The following SLIT3 variants were observed in gnomAD, a reference collection of about 807,000 sequenced individuals.
The protein encoded by SLIT3 is slit homolog 3 protein.
A neutral mutation model predicts 184.0 loss-of-function variants in SLIT3; 68 were observed. The ratio of observed to expected loss-of-function variants is 0.37; its 90% CI spans 0.30 to 0.45. The LOEUF is 0.45. SLIT3 is among the 20% of genes least tolerant of loss of function. The pLI is 1.00. For missense variants in SLIT3, 1,707 were observed against 2,026.0 expected, an observed-to-expected ratio of 0.84 and a Z score of 3.02; for synonymous variants, 831 against 828.6, an observed-to-expected ratio of 1.00 and a Z score of -0.05.
At chr5:168,697,856 GT>G (rs972997834) in intron 27 of SLIT3, among the ~76,000 whole-genome samples, 41 of 152,334 alleles carry the variant, frequency 2.7e-4, no homozygotes, top group African/African-American at 9.9e-4. Context: ...AAACCATGGT[GT>G]TGCCCATTTG....
At chr5:169,253,093 A>T (rs1294110592) in intron 1 of SLIT3, among the ~76,000 whole-genome samples, 2 of 152,130 alleles carry the variant, frequency 1.3e-5, no homozygotes, top group Admixed American at 1.3e-4. Flanking sequence ...GAAAAAAAAA[A>T]AAGCATAGCA....
intron 4 of SLIT3, among the ~76,000 whole-genome samples, chr5:169,065,080 C>A (rs1361292314): frequency 2.0e-5 from 3 of 152,162 alleles, no homozygotes; most frequent in African/African-American, 7.2e-5. Flanking sequence ...GAGACAAGTT[C>A]ATATGGTTAA....
At chr5:169,281,273 T>C (rs1347192086) in intron 1 of SLIT3, among the ~76,000 whole-genome samples, 1 of 152,194 alleles carries the variant, frequency 6.6e-6, no homozygotes, top group African/African-American at 2.4e-5. Context: ...GGTCAGGTGA[T>C]CGAGACCATC....
chr5:168,822,042 C>T (rs62378505), intron 7 of SLIT3, among the ~76,000 whole-genome samples: 1 of 152,110 alleles, frequency 6.6e-6, no homozygotes, highest in Non-Finnish European at 1.5e-5. Flanking sequence ...CTGGGTGCCA[C>T]CCCAAGAGAT....
chr5:169,252,730 C>T (rs962730787), intron 1 of SLIT3, among the ~76,000 whole-genome samples: 3 of 152,096 alleles, frequency 2.0e-5, no homozygotes, highest in African/African-American at 7.2e-5. Flanking sequence ...TGATGAATCC[C>T]CATCCAAACA....
Position 169,065,490 on chromosome 5 carries a change from T to G in SLIT3, c.413+127989A>C, listed in dbSNP as rs1334835705. 2.6e-5 allele frequency among the ~76,000 whole-genome samples: 4 copies of G among 152,306 alleles called. No individual in the cohort carries two copies. In the South Asian group the frequency reaches 8.3e-4, roughly 32 times the overall value. On this transcript the variant is annotated intron_variant, in intron 4 of 35. Coordinates refer to ENST00000519560, the MANE Select transcript of SLIT3 (RefSeq NM_003062.4). ...GTAGAGTTGAGCCCACGTCCTGGTGTCCCCAGAAGTTCTATACTTGTCTCT... is the reference window on the plus strand; with the variant it reads ...GTAGAGTTGAGCCCACGTCCTGGTGGCCCCAGAAGTTCTATACTTGTCTCT...
intron 4 of SLIT3, among the ~76,000 whole-genome samples, chr5:169,033,857 G>A (rs1375850018): frequency 1.4e-5 from 2 of 141,398 alleles, no homozygotes; most frequent in Non-Finnish European, 3.0e-5. Context: ...TCTGTCACCA[G>A]GCTGGAGTGC....
At position 169,077,673 on chromosome 5, in the gene SLIT3, AAC is replaced by A. The variant is rs570762390; in HGVS notation, c.413+115804_413+115805del. Among the ~76,000 whole-genome samples the A allele has an allele frequency of 2.6e-5, 4 of 152,320 alleles. No homozygotes were observed. The South Asian group carries it at 8.3e-4, about 32-fold the overall frequency. On this transcript the variant is annotated intron_variant, in intron 4 of 35. Transcript: ENST00000519560. ...TAAGTTTTCGGGGAGTCAAAAGTTA[AAC>A]AGAGATTTTTGACTGTGTGGGGGGT...
At chr5:168,680,651 G>C (rs1761558065) in intron 32 of SLIT3, among the ~76,000 whole-genome samples, 1 of 152,036 alleles carries the variant, frequency 6.6e-6, no homozygotes, top group South Asian at 2.1e-4. Context: ...TTTGTGGTTG[G>C]ACTGGCCTCC....
At chr5:169,028,109 C>T (rs900535696) in intron 4 of SLIT3, among the ~76,000 whole-genome samples, 6 of 152,138 alleles carry the variant, frequency 3.9e-5, no homozygotes, top group African/African-American at 1.2e-4. Flanking sequence ...AGAAGTGTGG[C>T]ACTGTGGTGG....
At chr5:168,692,060 G>A (rs1487327219) in intron 29 of SLIT3, among the ~76,000 whole-genome samples, 1 of 152,174 alleles carries the variant, frequency 6.6e-6, no homozygotes, top group Non-Finnish European at 1.5e-5. Flanking sequence ...TATGGGCTCT[G>A]CTGCTCACCA....
chr5:168,735,296 C>T (rs1206838479), intron 20 of SLIT3, among the ~76,000 whole-genome samples: 1 of 152,110 alleles, frequency 6.6e-6, no homozygotes, highest in Non-Finnish European at 1.5e-5. Flanking sequence ...CTGACTGATG[C>T]CCCACAAAGA....
chr5:168,955,116 G>C (rs1427857422), intron 4 of SLIT3, among the ~76,000 whole-genome samples: 1 of 151,846 alleles, frequency 6.6e-6, no homozygotes, highest in Non-Finnish European at 1.5e-5. Flanking sequence ...GGGTGGGGGT[G>C]AGGCCCAGCT....
chr5:169,032,599 GTTTTTT>G (rs5873142), intron 4 of SLIT3, among the ~76,000 whole-genome samples: 1 of 110,452 alleles, frequency 9.1e-6, no homozygotes, highest in Non-Finnish European at 1.9e-5. Context: ...TTTTAGTTTC[GTTTTTT>G]TTTTTTTCAG....
intron 4 of SLIT3, among the ~76,000 whole-genome samples, chr5:169,142,316 C>G (rs1211571936): frequency 6.6e-6 from 1 of 152,076 alleles, no homozygotes; most frequent in African/African-American, 2.4e-5. Flanking sequence ...GCACTAGTCA[C>G]TCAAGGGTAA....
At chr5:169,100,801 C>T (rs1759980411) in intron 4 of SLIT3, among the ~76,000 whole-genome samples, 1 of 152,154 alleles carries the variant, frequency 6.6e-6, no homozygotes, top group Non-Finnish European at 1.5e-5. Context: ...CCAGGGATAC[C>T]TCAGGGTTTA....
At chr5:169,291,239 T>C (rs1450872103) in intron 1 of SLIT3, among the ~76,000 whole-genome samples, 5 of 152,146 alleles carry the variant, frequency 3.3e-5, no homozygotes, top group African/African-American at 1.2e-4. Flanking sequence ...AAGCAAGTGG[T>C]GCATCTAACT....
chr5:168,904,830 G>A (rs1266621479), intron 4 of SLIT3, among the ~76,000 whole-genome samples: 3 of 152,108 alleles, frequency 2.0e-5, no homozygotes, highest in Non-Finnish European at 2.9e-5. Flanking sequence ...AGACATTCCT[G>A]GGGTTTTCTC....
rs369589582 is a variant in SLIT3, at chr5:169,172,072, G to A, written c.413+21407C>T. ...GGAGGTAGGGGGATAAGAAAGCCTCGGAAATGTTTTTCAACTTTAGTGGAT... is the reference window on the plus strand; with the variant it reads ...GGAGGTAGGGGGATAAGAAAGCCTCAGAAATGTTTTTCAACTTTAGTGGAT... On this transcript the variant is annotated intron_variant, in intron 4 of 35. Transcript: ENST00000519560. Among the ~76,000 whole-genome samples, 10 of 152,262 alleles carry A rather than the reference G, an allele frequency of 6.6e-5. No homozygotes were observed. In the East Asian group the frequency reaches 9.6e-4, roughly 15 times the overall value.
Sources: gnomAD v4.1 joint callset for allele counts (sites outside exome capture counted in the v4.1 genomes callset) on GRCh38, gnomAD v4.1.1 for gene constraint, MANE v1.5 for transcripts, NCBI Gene and HGNC (gene_info 2026-07-23, HGNC 2026-07-21) for gene names.